The following SGK3 variants were observed in gnomAD, a reference collection of about 807,000 sequenced individuals.
SGK3 encodes the protein serine/threonine-protein kinase Sgk3.
Under a neutral mutation model 68.5 loss-of-function variants are expected in SGK3, and 47 were observed. The observed-to-expected ratio is 0.69, with a 90% confidence interval of 0.54 to 0.87. SGK3 has a LOEUF of 0.87. Ranked by LOEUF, SGK3 falls within the 40% of genes least tolerant of loss-of-function variation. The probability of loss-of-function intolerance (pLI) is 0.00; values close to 1 mark genes in which losing one functional copy is unlikely to be tolerated. For synonymous variants in SGK3, 181 were observed against 189.1 expected (o/e 0.96, Z 0.35); for missense variants, 479 against 575.5 (o/e 0.83, Z 1.72).
chr8:66,839,113 A>G (rs532763081), intron 10 of SGK3, among the ~76,000 whole-genome samples: 87 of 152,220 alleles, frequency 5.7e-4, no homozygotes, highest in Middle Eastern at 3.4e-3. Context: ...GACCAAGGGC[A>G]GAAACCCTGT....
intron 16 of SGK3, among the ~76,000 whole-genome samples, chr8:66,855,157 G>A (rs1422529357): frequency 6.6e-6 from 1 of 152,126 alleles, no homozygotes; most frequent in Admixed American, 6.5e-5. Flanking sequence ...AGCCATAAGA[G>A]AAAAAAGTTG....
intron 1 of SGK3, among the ~76,000 whole-genome samples, chr8:66,744,509 ATATATATATAT>A (rs1255817969): frequency 8.0e-5 from 2 of 25,084 alleles, no homozygotes; most frequent in Admixed American, 5.1e-4. Flanking sequence ...ATATATATAT[ATATATATATAT>A]TTTTTTTTTT....
intron 1 of SGK3, among the ~76,000 whole-genome samples, chr8:66,774,843 C>T (rs1585696729): frequency 6.6e-6 from 1 of 152,144 alleles, no homozygotes; most frequent in East Asian, 1.9e-4. Flanking sequence ...ACTCCTACCC[C>T]GCCCGAGGAA....
At chr8:66,857,764 C>T (rs1039821333) in intron 16 of SGK3, among the ~76,000 whole-genome samples, 8 of 150,368 alleles carry the variant, frequency 5.3e-5, no homozygotes, top group African/African-American at 2.0e-4. Context: ...GCCTGGACTA[C>T]AGGATGAGAC....
At chr8:66,834,315 A>T (rs1364477746) in intron 8 of SGK3, among the ~76,000 whole-genome samples, 1 of 152,126 alleles carries the variant, frequency 6.6e-6, no homozygotes, top group African/African-American at 2.4e-5. Context: ...AGCTTTATCC[A>T]TGTGATTCTA....
intron 1 of SGK3, chr8:66,737,190 A>G (rs1377490335): frequency 3.3e-5 from 5 of 151,980 alleles, no homozygotes; most frequent in African/African-American, 1.2e-4. Flanking sequence ...ATTACTTCAA[A>G]GGAAGATATG....
intron 1 of SGK3, among the ~76,000 whole-genome samples, chr8:66,725,801 A>C (rs1223464087): frequency 6.6e-6 from 1 of 152,100 alleles, no homozygotes; most frequent in African/African-American, 2.4e-5. Context: ...ATACAGCCAA[A>C]CCTTAAATTA....
chr8:66,807,952 G>A (rs1808230601), intron 4 of SGK3, among the ~76,000 whole-genome samples: 1 of 152,036 alleles, frequency 6.6e-6, no homozygotes, highest in Non-Finnish European at 1.5e-5. Context: ...TTTTGCTATG[G>A]TGTGATCTCC....
chr8:66,849,945 C>T (rs1810200433), intron 15 of SGK3, among the ~76,000 whole-genome samples: 1 of 152,202 alleles, frequency 6.6e-6, no homozygotes, highest in South Asian at 2.1e-4. Flanking sequence ...AATAGAAAAA[C>T]CAGTTGTGAC....
chr8:66,758,417 T>A (rs377640185), intron 1 of SGK3, among the ~76,000 whole-genome samples: 5 of 152,138 alleles, frequency 3.3e-5, no homozygotes, highest in East Asian at 3.8e-4. Context: ...AAATTAGTAA[T>A]TAGCATTATA....
chr8:66,774,922 G>A (rs1444795019), intron 1 of SGK3, among the ~76,000 whole-genome samples: 1 of 152,186 alleles, frequency 6.6e-6, no homozygotes, highest in African/African-American at 2.4e-5. Flanking sequence ...GGGAACCTGG[G>A]GAGAGTGCCT....
intron 4 of SGK3, among the ~76,000 whole-genome samples, chr8:66,805,536 A>AG (rs1808123506): frequency 6.6e-6 from 1 of 151,822 alleles, no homozygotes; most frequent in East Asian, 1.9e-4. Flanking sequence ...AAAAAAAAAA[A>AG]AGAGAGAGGG....
intron 1 of SGK3, among the ~76,000 whole-genome samples, chr8:66,722,559 G>A (rs536232272): frequency 2.8e-4 from 43 of 152,298 alleles, no homozygotes; most frequent in South Asian, 2.7e-3. Context: ...GGCGTGAGCC[G>A]CCGTGCCCAG....
chr8:66,723,501 T>C (rs1436524014), intron 1 of SGK3, among the ~76,000 whole-genome samples: 1 of 151,980 alleles, frequency 6.6e-6, no homozygotes, highest in Non-Finnish European at 1.5e-5. Context: ...TGGAGTGCAG[T>C]GGTGCAATCT....
chr8:66,807,507 A>C (rs1378044519), intron 4 of SGK3, among the ~76,000 whole-genome samples: 2 of 152,220 alleles, frequency 1.3e-5, no homozygotes, highest in African/African-American at 4.8e-5. Flanking sequence ...CTGTTTGTCT[A>C]TCCTGCGTAT....
intron 1 of SGK3, among the ~76,000 whole-genome samples, chr8:66,742,330 A>T: frequency 6.6e-6 from 1 of 151,974 alleles, no homozygotes; most frequent in East Asian, 1.9e-4. Context: ...ACCTATCTTC[A>T]TTTCTAGTCA....
At chr8:66,850,662 T>C (rs1810244544) in intron 15 of SGK3, among the ~76,000 whole-genome samples, 169 bp from the exon 16 acceptor site, 1 of 152,222 alleles carries the variant, frequency 6.6e-6, no homozygotes, top group African/African-American at 2.4e-5. Flanking sequence ...TTTCAGTCTT[T>C]CTATTGCTTA....
At chr8:66,716,114 C>T (rs1479182791) in intron 1 of SGK3, among the ~76,000 whole-genome samples, 2 of 152,220 alleles carry the variant, frequency 1.3e-5, no homozygotes, top group Middle Eastern at 3.4e-3. Flanking sequence ...GTAACAGCTC[C>T]CATATTATTT....
In SGK3 at chr8:66,740,935, G is replaced by T. The variant is rs1308712948; in HGVS notation, c.-122+28102G>T. ...AAAAAAAAAAAAAAAAAAAAAAGTA[G>T]GCTGAAGAACAATGGAGGAAAAAAT... On this transcript the variant is annotated intron_variant, in intron 1 of 16. Coordinates refer to ENST00000521198, the MANE Select transcript of SGK3 (RefSeq NM_001033578.3). Among the ~76,000 whole-genome samples the T allele has an allele frequency of 2.7e-5, 4 of 146,672 alleles. No homozygotes were observed. The South Asian group carries it at 8.7e-4, about 32-fold the overall frequency.
Sources: gnomAD v4.1 joint callset for allele counts (sites outside exome capture counted in the v4.1 genomes callset) on GRCh38, gnomAD v4.1.1 for gene constraint, MANE v1.5 for transcripts, NCBI Gene and HGNC (gene_info 2026-07-23, HGNC 2026-07-21) for gene names.